Variants in UQCRH observed in about 807,000 individuals in gnomAD.
UQCRH encodes ubiquinol-cytochrome c reductase hinge protein, also known as cytochrome b-c1 complex subunit 6, mitochondrial.
A neutral mutation model predicts 16.3 loss-of-function variants in UQCRH; 14 were observed. The ratio of observed to expected loss-of-function variants is 0.86; its 90% confidence interval spans 0.57 to 1.34. UQCRH has a LOEUF of 1.34. UQCRH is among the 40% of genes most tolerant of loss of function. The pLI, the probability that UQCRH is intolerant of heterozygous loss-of-function variation, is 0.00. For missense variants in UQCRH, 89 were observed against 111.9 expected, an observed-to-expected ratio of 0.80 and a Z score of 0.92; for synonymous variants, 41 against 41.9, an observed-to-expected ratio of 0.98 and a Z score of 0.08.
At chr1:46,307,969 G>A (rs1661405030) in intron 1 of UQCRH, among the ~76,000 whole-genome samples, 1 of 152,206 alleles carries the variant, frequency 6.6e-6, no homozygotes, top group Admixed American at 6.5e-5. Flanking sequence ...GGCCCCATGT[G>A]AACATCTGGC....
chr1:46,309,839 GCCT>G, intron 2 of UQCRH: 1 of 1,297,800 alleles, frequency 7.7e-7, no homozygotes. Context: ...AACAAGTAAG[GCCT>G]CCTATAGATC....
chr1:46,311,130 C>T (rs1661465382), intron 3 of UQCRH, among the ~76,000 whole-genome samples: 1 of 151,858 alleles, frequency 6.6e-6, no homozygotes, highest in Non-Finnish European at 1.5e-5. Flanking sequence ...ACTACTTCCA[C>T]TGGAGATAGG....
Position 46,309,094 on chromosome 1 carries a change from T to C in UQCRH, c.55-7T>C. On this transcript the variant is annotated splice_region_variant and splice_polypyrimidine_tract_variant and intron_variant, in intron 1 of 3. Coordinates refer to ENST00000311672, the MANE Select transcript of UQCRH (RefSeq NM_006004.4). Reference sequence around the variant, plus strand: ...CTGCTGACATTAATTTTGTTTTCCTTTTGTAGGAGGAAGAGGAAGAGGAGG... The same window carrying C: ...CTGCTGACATTAATTTTGTTTTCCTCTTGTAGGAGGAAGAGGAAGAGGAGG... 1.9e-6 allele frequency: 3 copies of C among 1,613,584 alleles called. No individual in the cohort carries two copies. Among genetic ancestry groups the C allele is most frequent in the Non-Finnish European group, 2.5e-6 (3 of 1,179,840 alleles).
intron 2 of UQCRH, 174 bp downstream of exon 2, chr1:46,309,301 A>G: frequency 1.4e-6 from 1 of 714,318 alleles, no homozygotes; most frequent in Non-Finnish European, 2.2e-6. Context: ...TTGGAAGCTG[A>G]GTCTGTTCTG....
chr1:46,314,177 C>T (rs1429929924), intron 3 of UQCRH, among the ~76,000 whole-genome samples: 2 of 151,894 alleles, frequency 1.3e-5, no homozygotes, highest in African/African-American at 4.8e-5. Flanking sequence ...TGAGACTATC[C>T]TGGCTAACAC....
At chr1:46,313,486 G>A (rs904611796) in intron 3 of UQCRH, among the ~76,000 whole-genome samples, 49 of 152,216 alleles carry the variant, frequency 3.2e-4, no homozygotes, top group Admixed American at 2.9e-3. Context: ...AAAATTAGCC[G>A]GGCGTGGTGG....
chr1:46,303,925 G>C, intron 1 of UQCRH, 105 bp downstream of exon 1: 2 of 1,479,954 alleles, frequency 1.4e-6, no homozygotes, highest in South Asian at 2.4e-5. Flanking sequence ...TACCCTCTAG[G>C]GTTTGCATAG....
Position 46,306,380 on chromosome 1 carries a change from G to GTTTTTTTTT in UQCRH, c.54+2571_54+2579dup, listed in dbSNP as rs58917170. Among the ~76,000 whole-genome samples the GTTTTTTTTT allele has an allele frequency of 1.6e-5, 2 of 125,182 alleles. 1 individual carries two copies. 82.1% of individuals were successfully genotyped at this position (125,182 alleles called of 152,430 possible). A position where few individuals can be genotyped will look rare whatever the true frequency, so the allele number is the denominator to read the frequency against. ...TAGTTTTTTTGGGAAAACTTTTTCA[G>GTTTTTTTTT]TTTTTTTTTTTTTTTTTTTGTGACG... On this transcript the variant is annotated intron_variant, in intron 1 of 3. Transcript: ENST00000311672.
chr1:46,303,727 G>A lies in UQCRH; in HGVS notation c.-40G>A. 6.2e-7 allele frequency: 1 copy of A among 1,613,988 alleles called. No homozygotes were observed. The highest frequency in any genetic ancestry group is 8.5e-7 in the Non-Finnish European group (1 of 1,179,910). On this transcript the variant is annotated 5_prime_UTR_variant, in exon 1 of 4. Coordinates refer to ENST00000311672, the MANE Select transcript of UQCRH (RefSeq NM_006004.4). ...TTGATCCTGAACTGGGTTAGGTGCC[G>A]CTGTTGCTGCTCGTGTTGAATCTAG...
intron 1 of UQCRH, 142 bp downstream of exon 1, chr1:46,303,962 TC>T: frequency 1.9e-6 from 2 of 1,042,774 alleles, no homozygotes; most frequent in Non-Finnish European, 2.8e-6. Flanking sequence ...CCTCGACCTT[TC>T]CCCAGAATTC....
At chr1:46,309,487 G>T (rs1380076100) in intron 2 of UQCRH, 6 of 231,270 alleles carry the variant, frequency 2.6e-5, no homozygotes, top group Non-Finnish European at 3.4e-5. Flanking sequence ...CCTGAACAAC[G>T]TAGAGAAACC....
intron 3 of UQCRH, among the ~76,000 whole-genome samples, chr1:46,313,235 T>C (rs1661512826): frequency 6.6e-6 from 1 of 152,196 alleles, no homozygotes; most frequent in South Asian, 2.1e-4. Flanking sequence ...CTCATGCTTG[T>C]AATCGCAGAA....
chr1:46,314,847 A>AGCT (rs1306888947), intron 3 of UQCRH, among the ~76,000 whole-genome samples: 1 of 152,054 alleles, frequency 6.6e-6, no homozygotes, highest in Non-Finnish European at 1.5e-5. Flanking sequence ...AGTAACCAGG[A>AGCT]GCTGAGGGGA....
chr1:46,313,611 A>C (rs765385383), intron 3 of UQCRH, among the ~76,000 whole-genome samples: 1 of 152,126 alleles, frequency 6.6e-6, no homozygotes, highest in Non-Finnish European at 1.5e-5. Context: ...CCTGGGCGAC[A>C]GAGCGAGACT....
intron 1 of UQCRH, among the ~76,000 whole-genome samples, chr1:46,305,627 G>A (rs1272002394): frequency 1.3e-5 from 2 of 151,880 alleles, no homozygotes; most frequent in Admixed American, 6.5e-5. Flanking sequence ...GGCGGCGGGC[G>A]CCTGTAGTCC....
intron 3 of UQCRH, among the ~76,000 whole-genome samples, chr1:46,315,784 T>C (rs1202301633): frequency 6.6e-6 from 1 of 152,150 alleles, no homozygotes; most frequent in Non-Finnish European, 1.5e-5. Flanking sequence ...TCGTATGATA[T>C]GATTTGTATG....
At chr1:46,310,731 T>A (rs1661454356) in intron 3 of UQCRH, among the ~76,000 whole-genome samples, 1 of 152,148 alleles carries the variant, frequency 6.6e-6, no homozygotes, top group African/African-American at 2.4e-5. Flanking sequence ...CTCGGCCCTC[T>A]GAAGTGCTGG....
At chr1:46,313,646 T>C (rs1407494080) in intron 3 of UQCRH, among the ~76,000 whole-genome samples, 18 of 125,660 alleles carry the variant, frequency 1.4e-4, no homozygotes, top group African/African-American at 3.3e-4. Context: ...TATAGACAGA[T>C]AGATAGATAG....
At position 46,316,666 on chromosome 1, in the gene UQCRH, C is replaced by T. The variant is rs1661594048; in HGVS notation, c.*82C>T. ...ATGGTTTTGGATGTACCATTTGTTTCTTATTTGTGTAACTGTAAGTTCACA... is the reference window on the plus strand; with the variant it reads ...ATGGTTTTGGATGTACCATTTGTTTTTTATTTGTGTAACTGTAAGTTCACA... On this transcript the variant is annotated 3_prime_UTR_variant, in exon 4 of 4. Transcript: ENST00000311672. 4 of 1,591,050 alleles carry T rather than the reference C, an allele frequency of 2.5e-6. No homozygotes were observed. The highest frequency in any genetic ancestry group is 1.4e-5 in the African/African-American group (1 of 73,864).
Sources: allele counts gnomAD v4.1 joint callset (sites outside exome capture counted in the v4.1 genomes callset), GRCh38; gene constraint gnomAD v4.1.1; transcripts MANE v1.5; gene names NCBI Gene and HGNC (gene_info 2026-07-23, HGNC 2026-07-21).